Variants in TEKT3 observed in about 807,000 individuals in gnomAD.
TEKT3 encodes the protein tektin 3.
TEKT3 carries 49 observed loss-of-function variants against 49.8 expected under a neutral mutation model. The ratio of observed to expected loss-of-function variants is 0.98; its 90% CI spans 0.78 to 1.25. The LOEUF (loss-of-function observed/expected upper bound fraction) is 1.25. TEKT3 is among the 50% of genes most tolerant of loss of function. The pLI is 0.00. For missense variants in TEKT3, 595 were observed against 629.5 expected (o/e 0.95, Z 0.59); for synonymous variants, 225 against 237.2 (o/e 0.95, Z 0.47).
At chr17:15,307,261 G>T (rs1910591151) in intron 8 of TEKT3, among the ~76,000 whole-genome samples, 1 of 152,188 alleles carries the variant, frequency 6.6e-6, no homozygotes, top group Admixed American at 6.5e-5. Context: ...CCTGACAGGG[G>T]GATGGTAAAT....
rs1166921556 is a variant in TEKT3 at position 15,331,341 on chromosome 17, G to A, written c.245C>T (p.Pro82Leu). 2.5e-6 allele frequency: 4 copies of A among 1,614,210 alleles called. No homozygotes were observed. Among genetic ancestry groups the A allele is most frequent in the Non-Finnish European group, 3.4e-6 (4 of 1,180,040 alleles). Residue 82 changes from proline (P) to leucine (L), a missense_variant, in exon 3 of 9, where the codon CCC (proline) becomes CTC (leucine). By Grantham distance (98) the Pro-to-Leu change is moderately conservative. Coordinates refer to ENST00000395930, the MANE Select transcript of TEKT3 (RefSeq NM_031898.3). ...GAAAGTGGTTCTGTTGGAAACAAAGGGAAGCATGGTATTCTCGGACACCCT... is the reference window on the plus strand; with the variant it reads ...GAAAGTGGTTCTGTTGGAAACAAAGAGAAGCATGGTATTCTCGGACACCCT... ...SQRVSENTML[P>L]FVSNRTTFFT...
intron 4 of TEKT3, among the ~76,000 whole-genome samples, chr17:15,321,072 CG>C (rs1911233634): frequency 6.6e-6 from 1 of 150,732 alleles, no homozygotes; most frequent in African/African-American, 2.5e-5. Context: ...TGCAGTGGCG[CG>C]ATCTCGGCTC....
intron 4 of TEKT3, among the ~76,000 whole-genome samples, chr17:15,327,443 G>T (rs985028013): frequency 6.6e-6 from 1 of 151,958 alleles, no homozygotes; most frequent in African/African-American, 2.4e-5. Context: ...TTGAACCTAG[G>T]AGGCAGAGGT....
intron 8 of TEKT3, among the ~76,000 whole-genome samples, chr17:15,307,981 T>C (rs563551134): frequency 1.3e-5 from 2 of 152,310 alleles, no homozygotes; most frequent in South Asian, 4.1e-4. Flanking sequence ...AAAATTCATG[T>C]AGTGTTTAGT....
intron 8 of TEKT3, among the ~76,000 whole-genome samples, chr17:15,306,636 G>C (rs989099749): frequency 6.6e-6 from 1 of 151,478 alleles, no homozygotes; most frequent in Non-Finnish European, 1.5e-5. Flanking sequence ...TAATTCCGAA[G>C]TCCTATTAGA....
At position 15,331,141 on chromosome 17, in the gene TEKT3, G is replaced by C. The variant is rs200458813; in HGVS notation, c.445C>G (p.Arg149Gly). 3 of 1,614,092 alleles carry C rather than the reference G, an allele frequency of 1.9e-6. No individual in the cohort carries two copies. Among genetic ancestry groups the C allele is most frequent in the Non-Finnish European group, 2.5e-6 (3 of 1,180,016 alleles). ...QADTTQNLGE[R>G]VNDIGFWKSE... is the part of the protein sequence containing the mutation. ...TTCCAAAACCCTATGTCATTGACACGTTCTCCCAGATTTTGGGTTGTGTCT... is the reference window on the plus strand; with the variant it reads ...TTCCAAAACCCTATGTCATTGACACCTTCTCCCAGATTTTGGGTTGTGTCT... Residue 149 changes from arginine to glycine, a missense_variant, in exon 3 of 9, where the codon CGT becomes GGT. Transcript: ENST00000395930.
intron 8 of TEKT3, among the ~76,000 whole-genome samples, chr17:15,305,185 G>A (rs1006145793): frequency 5.3e-5 from 8 of 152,198 alleles, no homozygotes; most frequent in Non-Finnish European, 4.4e-5. Flanking sequence ...AAAAAGGAAG[G>A]AAAGGCAGGA....
chr17:15,316,963 T>G (rs1911036941), intron 5 of TEKT3, among the ~76,000 whole-genome samples: 2 of 152,146 alleles, frequency 1.3e-5, no homozygotes, highest in South Asian at 4.1e-4. Context: ...AGACCTTGGC[T>G]GCCCTGTTAG....
chr17:15,333,480 A>T (rs1277747996), intron 2 of TEKT3, among the ~76,000 whole-genome samples: 1 of 152,134 alleles, frequency 6.6e-6, no homozygotes, highest in Non-Finnish European at 1.5e-5. Flanking sequence ...CAAACGTGTT[A>T]TACTGGCCAA....
intron 8 of TEKT3, 147 bp downstream of exon 8, chr17:15,308,517 G>T: frequency 9.1e-7 from 1 of 1,098,672 alleles, no homozygotes; most frequent in Non-Finnish European, 1.3e-6. Flanking sequence ...AAACTCTTCT[G>T]CATTCAACAT....
chr17:15,319,745 C>G, intron 4 of TEKT3, among the ~76,000 whole-genome samples: 1 of 152,186 alleles, frequency 6.6e-6, no homozygotes, highest in East Asian at 1.9e-4. Context: ...CACACGTTGC[C>G]TTTTGATGCT....
In TEKT3 at chr17:15,304,694, T is replaced by C. The variant is rs1317052799; in HGVS notation, c.1257-542A>G. 1.3e-5 allele frequency among the ~76,000 whole-genome samples: 2 copies of C among 152,048 alleles called. No individual in the cohort carries two copies. The highest frequency in any genetic ancestry group is 6.5e-5 in the Admixed American group (1 of 15,276). ...CTCTCAGCTCCTTGAGACAGAAGAG[T>C]AGAAGCAGAGACCCAGGAAGACCTA... On this transcript the variant is annotated intron_variant, in intron 8 of 8. Coordinates refer to ENST00000395930, the MANE Select transcript of TEKT3 (RefSeq NM_031898.3). This position sits in a 1 kb window ranked among gnomAD's most constrained non-coding sequence, Gnocchi z 4.7.
intron 2 of TEKT3, 114 bp from the exon 3 acceptor site, chr17:15,331,728 T>A: frequency 1.4e-6 from 1 of 733,182 alleles, no homozygotes; most frequent in Non-Finnish European, 2.2e-6. Flanking sequence ...CCGAACACAT[T>A]AGATGCTTGT....
chr17:15,306,669 A>T (rs1910564494), intron 8 of TEKT3, among the ~76,000 whole-genome samples: 1 of 152,188 alleles, frequency 6.6e-6, no homozygotes, highest in African/African-American at 2.4e-5. Flanking sequence ...ACTCATTTTA[A>T]AAGCAACCCT....
At chr17:15,311,118 T>A (rs1910755468) in intron 7 of TEKT3, 1 of 152,262 alleles carries the variant, frequency 6.6e-6, no homozygotes, top group African/African-American at 2.4e-5. Flanking sequence ...ATTTCTTCTC[T>A]GTAATGTAAA....
intron 6 of TEKT3, among the ~76,000 whole-genome samples, chr17:15,313,836 CA>C (rs1215159589): frequency 6.6e-6 from 1 of 152,146 alleles, no homozygotes; most frequent in Non-Finnish European, 1.5e-5. Flanking sequence ...ACTTCTGCAT[CA>C]GGTAGGGTTA....
rs1235130149 is a variant in TEKT3 at position 15,331,222 on chromosome 17, C to G, written c.364G>C (p.Val122Leu). 6 of 1,614,210 alleles carry G rather than the reference C, an allele frequency of 3.7e-6. No individual in the cohort carries two copies. The East Asian group carries it at 1.3e-4, about 36-fold the overall frequency. ...TCTTGAATCAGGCGAGATGTATCCA[C>G]TCTTAGTTTCTCCGAATTATGTCGG... ...TSRHNSEKLR[V>L]DTSRLIQDKY... is the part of the protein sequence containing the mutation. Residue 122 changes from valine (V) to leucine (L), a missense_variant, in exon 3 of 9, where the codon GTG (valine) becomes CTG (leucine). Coordinates refer to ENST00000395930, the MANE Select transcript of TEKT3 (RefSeq NM_031898.3).
Position 15,331,280 on chromosome 17 carries a change from G to A in TEKT3, c.306C>T (p.Ser102=), listed in dbSNP as rs2150750584. The A allele has an allele frequency of 6.2e-7, 1 of 1,614,182 alleles. No individual in the cohort carries two copies. The highest frequency in any genetic ancestry group is 8.5e-7 in the Non-Finnish European group (1 of 1,180,046). The part of the protein sequence containing the change: ...TRYTPDDWYR[S]NLTNYQESNT... ...TGGACTCTTGATAGTTGGTTAAATT[G>A]GACCTGTACCAGTCATCCGGTGTGT... Residue 102 remains serine (S), a synonymous_variant, in exon 3 of 9, where the codon TCC becomes TCT. Coordinates refer to ENST00000395930, the MANE Select transcript of TEKT3 (RefSeq NM_031898.3).
intron 2 of TEKT3, among the ~76,000 whole-genome samples, chr17:15,339,084 G>T (rs1912122335): frequency 6.6e-6 from 1 of 152,036 alleles, no homozygotes; most frequent in South Asian, 2.1e-4. Flanking sequence ...TGTTATAAGG[G>T]GTCTGACCTC....
Sources: allele counts gnomAD v4.1 joint callset (sites outside exome capture counted in the v4.1 genomes callset), GRCh38; gene constraint gnomAD v4.1.1; non-coding constraint Gnocchi (gnomAD v3.1); transcripts MANE v1.5; gene names NCBI Gene and HGNC (gene_info 2026-07-23, HGNC 2026-07-21).